Variants in IMPA1 observed in about 807,000 individuals in gnomAD.
IMPA1 encodes the protein D-galactose 1-phosphate phosphatase.
Under a neutral mutation model 34.9 loss-of-function variants are expected in IMPA1, and 21 were observed. That is an observed-to-expected ratio of 0.60 (90% confidence interval 0.43 to 0.87). The LOEUF (loss-of-function observed/expected upper bound fraction) is 0.87, where lower values mean the gene tolerates loss of function less well. Among genes scored for constraint, IMPA1 ranks in the 40% least tolerant of loss-of-function variants. IMPA1 has a pLI of 0.00. For synonymous variants in IMPA1, 95 were observed against 104.4 expected (o/e 0.91, Z 0.55); for missense variants, 299 against 336.4 (o/e 0.89, Z 0.87).
At chr8:81,683,616 G>A (rs762525716) in intron 1 of IMPA1, among the ~76,000 whole-genome samples, 1 of 152,172 alleles carries the variant, frequency 6.6e-6, no homozygotes, top group Non-Finnish European at 1.5e-5. Context: ...ATAGGTAGGA[G>A]TTTGAGAGAT....
chr8:81,682,844 C>G (rs927751771), intron 1 of IMPA1, among the ~76,000 whole-genome samples: 1 of 152,162 alleles, frequency 6.6e-6, no homozygotes, highest in Non-Finnish European at 1.5e-5. Context: ...GTCCTTCATC[C>G]TTCAATAGAT....
intron 8 of IMPA1, among the ~76,000 whole-genome samples, 177 bp downstream of exon 8, chr8:81,660,339 T>C (rs1371287411): frequency 6.6e-6 from 1 of 152,164 alleles, no homozygotes; most frequent in East Asian, 1.9e-4. Context: ...ACATTACCAT[T>C]ACCTCTTATC....
Position 81,681,557 on chromosome 8 carries a change from C to T in IMPA1, c.4G>A (p.Ala2Thr). 1 of 1,604,836 alleles carries T rather than the reference C, an allele frequency of 6.2e-7. No individual in the cohort carries two copies. Among genetic ancestry groups the T allele is most frequent in the Non-Finnish European group, 8.5e-7 (1 of 1,171,926 alleles). Residue 2 changes from alanine to threonine, a missense_variant, in exon 2 of 9, where the codon GCT becomes ACT. Ala to Thr is a moderately conservative substitution (Grantham distance 58, BLOSUM62 0). Transcript: ENST00000256108. The part of the protein sequence containing the change: M[A>T]DPWQECMDYA... Reference sequence around the variant, plus strand: ...TCCATGCATTCCTGCCAAGGATCAGCCATCTTCTGAAAATATTTGACAAAT... The same window carrying T: ...TCCATGCATTCCTGCCAAGGATCAGTCATCTTCTGAAAATATTTGACAAAT...
At chr8:81,663,075 T>G (rs1445364611) in intron 7 of IMPA1, among the ~76,000 whole-genome samples, 3 of 152,232 alleles carry the variant, frequency 2.0e-5, no homozygotes, top group Non-Finnish European at 4.4e-5. Context: ...AAGCAATCAG[T>G]AAGTCAGTAC....
intron 7 of IMPA1, among the ~76,000 whole-genome samples, chr8:81,667,885 A>ACGATCT (rs1363571890): frequency 2.0e-5 from 3 of 150,466 alleles, no homozygotes; most frequent in South Asian, 4.2e-4. Flanking sequence ...GTGCAGTGAC[A>ACGATCT]CGATCTCGGC....
At chr8:81,684,154 CAT>C (rs1391170445) in intron 1 of IMPA1, among the ~76,000 whole-genome samples, 68 of 124,670 alleles carry the variant, frequency 5.5e-4, no homozygotes, top group South Asian at 1.1e-3. Flanking sequence ...CACACACACA[CAT>C]ACACACACAT....
chr8:81,685,974 T>G, intron 1 of IMPA1: 4 of 1,474,394 alleles, frequency 2.7e-6, no homozygotes, highest in South Asian at 2.7e-5. Context: ...CTTTTCGGAG[T>G]TGGGGACATA....
intron 7 of IMPA1, among the ~76,000 whole-genome samples, chr8:81,670,394 C>T (rs923962268): frequency 5.3e-5 from 8 of 151,630 alleles, no homozygotes; most frequent in Admixed American, 5.2e-4. Flanking sequence ...CAAAAGAAAG[C>T]ACGAAGATGA....
At chr8:81,677,384 C>T (rs1430912105) in intron 4 of IMPA1, among the ~76,000 whole-genome samples, 2 of 152,174 alleles carry the variant, frequency 1.3e-5, no homozygotes, top group East Asian at 1.9e-4. Flanking sequence ...CATGAGCCAC[C>T]GCGCCTGGCC....
rs769574464 is a variant in IMPA1, at chr8:81,676,217, C to T, written c.348+17G>A. ...AGAGCAAGGCATATAATCAACTATACGTTTAAAAAATCATACCTTTTTATT... is the reference window on the plus strand; with the variant it reads ...AGAGCAAGGCATATAATCAACTATATGTTTAAAAAATCATACCTTTTTATT... On this transcript the variant is annotated intron_variant, in intron 5 of 8. Transcript: ENST00000256108. 1.5e-5 allele frequency: 18 copies of T among 1,198,414 alleles called. No individual in the cohort carries two copies. Among genetic ancestry groups the T allele is most frequent in the Non-Finnish European group, 1.6e-5 (14 of 854,050 alleles). The allele number at this position is 1,198,414 out of a possible 1,614,324, so 74.2% of individuals were successfully genotyped here. A position where few individuals can be genotyped will look rare whatever the true frequency, so the allele number is the denominator to read the frequency against.
At chr8:81,674,299 C>G (rs1807071044) in intron 5 of IMPA1, 2 of 197,038 alleles carry the variant, frequency 1.0e-5, no homozygotes, top group Admixed American at 1.1e-4. Flanking sequence ...TCAGCTGATT[C>G]CCTAGTCTCT....
intron 1 of IMPA1, among the ~76,000 whole-genome samples, chr8:81,684,605 A>G (rs1483885362): frequency 0.14 from 1,450 of 10,460 alleles, 70 homozygotes; most frequent in African/African-American, 0.24. Context: ...AGATATATAT[A>G]TCTAGTATAT....
intron 3 of IMPA1, among the ~76,000 whole-genome samples, chr8:81,680,137 A>AAAAAAAAAAAAAAGGTCACTCT (rs1563589402): frequency 6.6e-6 from 1 of 151,294 alleles, no homozygotes; most frequent in Non-Finnish European, 1.5e-5. Context: ...TCCGTCTAAA[A>AAAAAAAAAAAAAAGGTCACTCT]AAAAAAAAAA....
At position 81,660,511 on chromosome 8, in the gene IMPA1, T is replaced by G; in HGVS notation, c.718+5A>C. On this transcript the variant is annotated splice_donor_5th_base_variant and intron_variant, in intron 8 of 8. Coordinates refer to ENST00000256108, the MANE Select transcript of IMPA1 (RefSeq NM_005536.4). ...GGAGATCTGCTTCACTCTCCATAAT[T>G]TTACCTGTAACATCCATTAGCACGC... 1 of 1,612,850 alleles carries G rather than the reference T, an allele frequency of 6.2e-7. No individual in the cohort carries two copies. Among genetic ancestry groups the G allele is most frequent in the Non-Finnish European group, 8.5e-7 (1 of 1,179,120 alleles).
At chr8:81,671,330 G>A (rs908741844) in intron 6 of IMPA1, among the ~76,000 whole-genome samples, 2 of 151,968 alleles carry the variant, frequency 1.3e-5, no homozygotes, top group African/African-American at 4.8e-5. Context: ...TATTTAAAAA[G>A]GAGAGACTAA....
At chr8:81,685,544 G>GT (rs904437122) in intron 1 of IMPA1, among the ~76,000 whole-genome samples, 2 of 143,710 alleles carry the variant, frequency 1.4e-5, no homozygotes, top group African/African-American at 5.1e-5. Flanking sequence ...GTATATATAC[G>GT]TAAGTATATT....
rs1298200650 is a variant in IMPA1 at position 81,671,081 on chromosome 8, C to T, written c.458-34G>A. The T allele has an allele frequency of 2.8e-6, 3 of 1,063,042 alleles. No individual in the cohort carries two copies. In the East Asian group the frequency reaches 8.6e-5, roughly 30 times the overall value. The allele number at this position is 1,063,042 out of a possible 1,614,324, so 65.9% of individuals were successfully genotyped here. On this transcript the variant is annotated intron_variant, in intron 6 of 8. Transcript: ENST00000256108. The stretch of plus-strand genomic sequence containing the variant: ...AAAGTGTTAGGTTTCAATATTTAGA[C>T]TTCTAGAAAATACCTGACACTTGTA...
chr8:81,677,266 T>A (rs1807158384), intron 4 of IMPA1, among the ~76,000 whole-genome samples: 1 of 152,154 alleles, frequency 6.6e-6, no homozygotes, highest in African/African-American at 2.4e-5. Flanking sequence ...CGGCTAATTT[T>A]GTATTTTACG....
At chr8:81,663,004 A>G (rs1372987745) in intron 7 of IMPA1, among the ~76,000 whole-genome samples, 1 of 152,238 alleles carries the variant, frequency 6.6e-6, no homozygotes, top group Non-Finnish European at 1.5e-5. Flanking sequence ...ATTGTTTTGT[A>G]TAAGTGATTC....
Sources: allele counts gnomAD v4.1 joint callset (sites outside exome capture counted in the v4.1 genomes callset), GRCh38; gene constraint gnomAD v4.1.1; transcripts MANE v1.5; gene names NCBI Gene and HGNC (gene_info 2026-07-23, HGNC 2026-07-21).